The following SGCD variants were observed in gnomAD, a reference collection of about 807,000 sequenced individuals.
SGCD encodes delta-sarcoglycan.
In SGCD, 18 loss-of-function variants were observed where a neutral mutation model predicts 36.6. The observed-to-expected ratio is 0.49, with a 90% CI of 0.34 to 0.73. The LOEUF is 0.73. SGCD is among the 30% of genes least tolerant of loss of function. The pLI is 0.01. For synonymous variants in SGCD, 133 were observed against 130.6 expected (o/e 1.02, Z -0.12); for missense variants, 387 against 346.7 (o/e 1.12, Z -0.92).
At chr5:156,696,661 G>C (rs467530) in intron 7 of SGCD, among the ~76,000 whole-genome samples, 139,318 of 151,742 alleles carry the variant, frequency 0.92, 64,123 homozygotes, top group East Asian at 0.99. Context: ...AGGCATGTAA[G>C]ACCACACCTG....
chr5:156,530,195 G>A (rs1757829199), intron 4 of SGCD, among the ~76,000 whole-genome samples: 1 of 152,166 alleles, frequency 6.6e-6, no homozygotes, highest in East Asian at 1.9e-4. Context: ...TAAAAGACAA[G>A]TACAGATGTT....
rs760247381 is a variant in SGCD, at chr5:156,279,327, A to C, written c.-43-50207A>C. On this transcript the variant is annotated intron_variant, in intron 3 of 9. Coordinates refer to the SGCD transcript ENST00000517913. ...TACAGAGCTGTAGACTATGAACAAA[A>C]ATCTAAATATTCAATTTAATACCTT... is the stretch of plus-strand genomic sequence containing the variant. Among the ~76,000 whole-genome samples the C allele has an allele frequency of 3.2e-4, 49 of 152,210 alleles. 2 individuals are homozygous for C. The highest frequency in any genetic ancestry group is 2.0e-4 in the Admixed American group (3 of 15,274).
intron 3 of SGCD, among the ~76,000 whole-genome samples, chr5:156,176,504 TC>T (rs1306012124): frequency 6.6e-6 from 1 of 152,216 alleles, no homozygotes; most frequent in Non-Finnish European, 1.5e-5. Context: ...ATTTTTGAAA[TC>T]CTAATTTCTA....
At chr5:156,499,669 T>A (rs1469312274) in intron 3 of SGCD, among the ~76,000 whole-genome samples, 4 of 152,116 alleles carry the variant, frequency 2.6e-5, no homozygotes, top group African/African-American at 9.7e-5. Context: ...TTGGAAAAAT[T>A]GCGAGCATGT....
intron 7 of SGCD, among the ~76,000 whole-genome samples, chr5:156,697,169 C>T (rs1477285238): frequency 2.0e-5 from 3 of 152,070 alleles, no homozygotes; most frequent in Admixed American, 6.6e-5. Context: ...AAGTGATTAT[C>T]GTAATGTTTG....
At chr5:156,139,566 C>A (rs908730552) in intron 3 of SGCD, among the ~76,000 whole-genome samples, 4 of 152,174 alleles carry the variant, frequency 2.6e-5, no homozygotes, top group African/African-American at 9.6e-5. Flanking sequence ...TCTTAGACTT[C>A]TTTGGAGCCA....
intron 3 of SGCD, among the ~76,000 whole-genome samples, chr5:156,483,136 C>T (rs1264609644): frequency 6.6e-6 from 1 of 152,098 alleles, no homozygotes; most frequent in Non-Finnish European, 1.5e-5. Flanking sequence ...GGAGAAGAGC[C>T]TTCTGGGCAG....
intron 3 of SGCD, among the ~76,000 whole-genome samples, chr5:156,270,659 C>G (rs1374460188): frequency 1.3e-5 from 2 of 152,018 alleles, no homozygotes; most frequent in Non-Finnish European, 2.9e-5. Context: ...AGACTTAAGA[C>G]TCTAGAACCA....
intron 3 of SGCD, among the ~76,000 whole-genome samples, chr5:156,193,831 A>G (rs1240551190): frequency 2.6e-5 from 4 of 152,176 alleles, no homozygotes; most frequent in African/African-American, 9.7e-5. Flanking sequence ...AAGTTCGCAA[A>G]CAGGTTCCAT....
intron 7 of SGCD, among the ~76,000 whole-genome samples, chr5:156,674,092 C>T (rs1185714062): frequency 3.3e-5 from 5 of 152,186 alleles, no homozygotes; most frequent in African/African-American, 4.8e-5. Context: ...GAGCAGAAGG[C>T]GTTAGGCTTC....
At chr5:156,264,549 G>T (rs1461900092) in intron 3 of SGCD, among the ~76,000 whole-genome samples, 1 of 152,234 alleles carries the variant, frequency 6.6e-6, no homozygotes, top group East Asian at 1.9e-4. Flanking sequence ...CAGGTCCTGA[G>T]ATTATCACTT....
At chr5:156,739,070 G>T (rs1274986363) in intron 7 of SGCD, among the ~76,000 whole-genome samples, 2 of 152,180 alleles carry the variant, frequency 1.3e-5, no homozygotes, top group African/African-American at 4.8e-5. Context: ...TATATTAAGA[G>T]GGGGAAACAT....
rs1192961193 is a variant in SGCD at position 156,054,452 on chromosome 5, A to AT, written c.-281-63420dup. On this transcript the variant is annotated intron_variant, in intron 1 of 9. Coordinates refer to the SGCD transcript ENST00000517913. ...AGGCACCCGCCACCACGCCTGGCTAATTTTTTGTATTTTTAGTAGAGACGG... is the reference window on the plus strand; with the variant it reads ...AGGCACCCGCCACCACGCCTGGCTAATTTTTTTGTATTTTTAGTAGAGACGG... Among the ~76,000 whole-genome samples the AT allele has an allele frequency of 1.2e-4, 17 of 144,354 alleles. 2 individuals carry two copies. The highest frequency in any genetic ancestry group is 2.6e-4 in the Non-Finnish European group (17 of 64,186). The allele number at this position is 144,354 out of a possible 152,430, so 94.7% of individuals were successfully genotyped here. A position where few individuals can be genotyped will look rare whatever the true frequency, so the allele number is the denominator to read the frequency against.
intron 7 of SGCD, among the ~76,000 whole-genome samples, chr5:156,735,377 CCACTGCCTCTGGGAGCTCTGTCCCA>C (rs1445234408): frequency 1.3e-5 from 2 of 152,044 alleles, no homozygotes; most frequent in African/African-American, 2.4e-5. Context: ...AGCCTGCCCC[CCACTGCCTCTGGGAGCTCTGTCCCA>C]GGGAGTTTTC....
chr5:156,417,398 C>T (rs57620638), intron 3 of SGCD, among the ~76,000 whole-genome samples: 6,634 of 152,132 alleles, frequency 0.044, 421 homozygotes, highest in African/African-American at 0.14. Flanking sequence ...GACAAGAATA[C>T]CTCACAGGTA....
At chr5:155,890,284 G>C (rs1184228430) in intron 1 of SGCD, among the ~76,000 whole-genome samples, 1 of 152,048 alleles carries the variant, frequency 6.6e-6, no homozygotes, top group Non-Finnish European at 1.5e-5. Flanking sequence ...CAAGCCTTAA[G>C]GGAAAAGAAA....
At chr5:156,070,019 G>A (rs952803999) in intron 1 of SGCD, among the ~76,000 whole-genome samples, 7 of 151,884 alleles carry the variant, frequency 4.6e-5, no homozygotes, top group Non-Finnish European at 7.3e-5. Flanking sequence ...ATCAGCTTAA[G>A]GAGATTTTGG....
intron 3 of SGCD, among the ~76,000 whole-genome samples, chr5:156,146,684 G>T (rs917072858): frequency 6.6e-6 from 1 of 152,140 alleles, no homozygotes; most frequent in African/African-American, 2.4e-5. Flanking sequence ...TGAGTGAATA[G>T]ACAATATCCC....
intron 3 of SGCD, among the ~76,000 whole-genome samples, chr5:156,304,439 A>G (rs1218349729): frequency 6.6e-6 from 1 of 152,136 alleles, no homozygotes; most frequent in Non-Finnish European, 1.5e-5. Flanking sequence ...GCCTATTGCC[A>G]TCCATGTAAG....
Sources: allele counts gnomAD v4.1 joint callset (sites outside exome capture counted in the v4.1 genomes callset), GRCh38; gene constraint gnomAD v4.1.1; transcripts MANE v1.5; gene names NCBI Gene and HGNC (gene_info 2026-07-23, HGNC 2026-07-21).